DDHD1: variants seen among roughly 807,000 people sequenced by gnomAD.
DDHD1 encodes the protein phospholipase DDHD1.
A neutral mutation model predicts 96.4 loss-of-function variants in DDHD1; 49 were observed. The ratio of observed to expected loss-of-function variants is 0.51; its 90% CI spans 0.40 to 0.64. DDHD1 has a LOEUF of 0.64. Ranked by LOEUF, DDHD1 falls within the 30% of genes least tolerant of loss-of-function variation. DDHD1 has a pLI of 0.00. For missense variants in DDHD1, 1,106 were observed against 1,161.2 expected (o/e 0.95, Z 0.69); for synonymous variants, 442 against 446.5 (o/e 0.99, Z 0.13).
chr14:53,130,775 C>T (rs1282638420), intron 1 of DDHD1, among the ~76,000 whole-genome samples: 1 of 152,198 alleles, frequency 6.6e-6, no homozygotes, highest in Non-Finnish European at 1.5e-5. Context: ...TCGGACTGTC[C>T]AACTTGCCCG....
At chr14:53,146,937 T>TTG (rs1454346521) in intron 1 of DDHD1, among the ~76,000 whole-genome samples, 36 of 151,278 alleles carry the variant, frequency 2.4e-4, no homozygotes, top group African/African-American at 6.5e-4. Context: ...GACAGTTTTT[T>TTG]TTTTTTTTTT....
rs140975422 is a variant in DDHD1 at position 53,046,634 on chromosome 14, T to C, written c.*134A>G. ...TTCTTTTTTTTTTAAATAAAGTGCT[T>C]TTAAATTCAAATATATGTTGCCCTA... On this transcript the variant is annotated 3_prime_UTR_variant, in exon 13 of 13. Transcript: ENST00000673822. The C allele has an allele frequency of 1.7e-3, 879 of 527,050 alleles. 10 individuals are homozygous for C. The highest frequency in any genetic ancestry group is 0.016 in the African/African-American group (819 of 50,422). The allele number at this position is 527,050 out of a possible 1,614,324, so 32.6% of individuals were successfully genotyped here. A position where few individuals can be genotyped will look rare whatever the true frequency, so the allele number is the denominator to read the frequency against.
chr14:53,093,163 A>C, intron 3 of DDHD1, 153 bp downstream of exon 3: 1 of 650,636 alleles, frequency 1.5e-6, no homozygotes, highest in Non-Finnish European at 2.3e-6. Context: ...CAACTCAATC[A>C]ACTTAATAAA....
At chr14:53,095,373 T>C (rs538204268) in intron 2 of DDHD1, among the ~76,000 whole-genome samples, 10 of 152,230 alleles carry the variant, frequency 6.6e-5, no homozygotes, top group African/African-American at 2.4e-4. Flanking sequence ...GGGCTGAAAA[T>C]AACCTCAAGC....
In DDHD1 at chr14:53,037,481, T is replaced by A. The variant is rs1187089817; in HGVS notation, c.*9287A>T. 1.3e-5 allele frequency: 2 copies of A among 152,204 alleles called. No individual in the cohort carries two copies. Among genetic ancestry groups the A allele is most frequent in the Non-Finnish European group, 2.9e-5 (2 of 68,044 alleles). The allele number at this position is 152,204 out of a possible 1,614,324, so 9.4% of individuals were successfully genotyped here. On this transcript the variant is annotated 3_prime_UTR_variant, in exon 13 of 13. Transcript: ENST00000673822. ...GATGGTATCTTATTGTGGTTTTGAT[T>A]TGCATTTCTCTGATGATTAGTGATG...
chr14:53,126,733 T>TAA (rs1889470108), intron 1 of DDHD1, among the ~76,000 whole-genome samples: 1 of 152,240 alleles, frequency 6.6e-6, no homozygotes, highest in Non-Finnish European at 1.5e-5. Flanking sequence ...TTACTTGACG[T>TAA]AGAAGTGGTC....
chr14:53,117,647 C>T (rs2139782911), intron 1 of DDHD1, among the ~76,000 whole-genome samples: 1 of 152,300 alleles, frequency 6.6e-6, no homozygotes, highest in African/African-American at 2.4e-5. Context: ...ACAAAGAGGC[C>T]AGGAAGCACA....
intron 4 of DDHD1, among the ~76,000 whole-genome samples, chr14:53,086,757 A>G (rs188760092): frequency 6.6e-6 from 1 of 152,174 alleles, no homozygotes; most frequent in African/African-American, 2.4e-5. Context: ...TGGGCAAAAT[A>G]ACCAGCTAAC....
chr14:53,144,741 G>A (rs964735322), intron 1 of DDHD1, among the ~76,000 whole-genome samples: 8 of 152,210 alleles, frequency 5.3e-5, no homozygotes, highest in African/African-American at 1.9e-4. Flanking sequence ...ACTAAAAGTT[G>A]CTATTAAGTA....
chr14:53,061,923 A>G (rs982373226), intron 7 of DDHD1, among the ~76,000 whole-genome samples: 1 of 151,634 alleles, frequency 6.6e-6, no homozygotes, highest in African/African-American at 2.4e-5. Flanking sequence ...AATCCCAGCT[A>G]CTGGGGAGAC....
intron 6 of DDHD1, among the ~76,000 whole-genome samples, chr14:53,068,531 G>A (rs929990444): frequency 1.4e-4 from 21 of 152,050 alleles, no homozygotes; most frequent in South Asian, 4.1e-4. Flanking sequence ...GATTACAGGC[G>A]TGTGCCACTA....
intron 1 of DDHD1, among the ~76,000 whole-genome samples, chr14:53,147,548 G>A (rs1891082707): frequency 6.6e-6 from 1 of 152,172 alleles, no homozygotes. Context: ...CCATGGTCAG[G>A]TGCCAAGTCC....
At chr14:53,114,056 A>G (rs1888347472) in intron 1 of DDHD1, among the ~76,000 whole-genome samples, 1 of 152,122 alleles carries the variant, frequency 6.6e-6, no homozygotes, top group South Asian at 2.1e-4. Context: ...CACCATTACC[A>G]AGGCTTTAGT....
chr14:53,147,874 AC>A (rs1891104177), intron 1 of DDHD1, among the ~76,000 whole-genome samples: 1 of 152,050 alleles, frequency 6.6e-6, no homozygotes, highest in Non-Finnish European at 1.5e-5. Flanking sequence ...AGTGCCTTCT[AC>A]CCCCTGGGAC....
chr14:53,130,449 C>G (rs538990023), intron 1 of DDHD1, among the ~76,000 whole-genome samples: 3 of 152,154 alleles, frequency 2.0e-5, no homozygotes, highest in African/African-American at 7.2e-5. Context: ...AGAAGTCCGT[C>G]TTATTCTCAA....
At chr14:53,139,358 C>T (rs113492890) in intron 1 of DDHD1, among the ~76,000 whole-genome samples, 2,934 of 152,186 alleles carry the variant, frequency 0.019, 103 homozygotes, top group African/African-American at 0.068. Context: ...CATGAAGAAC[C>T]TTCTTGAGAT....
chr14:53,128,708 A>C (rs1889643057), intron 1 of DDHD1, among the ~76,000 whole-genome samples: 1 of 152,210 alleles, frequency 6.6e-6, no homozygotes, highest in Non-Finnish European at 1.5e-5. Flanking sequence ...CTGATACAAA[A>C]GTCTATCACT....
chr14:53,108,769 C>T (rs1236765089), intron 1 of DDHD1, among the ~76,000 whole-genome samples: 3 of 152,086 alleles, frequency 2.0e-5, no homozygotes, highest in Non-Finnish European at 2.9e-5. Flanking sequence ...GCACTTCTTC[C>T]TTTTTCACTT....
At chr14:53,137,192 C>T (rs182200661) in intron 1 of DDHD1, among the ~76,000 whole-genome samples, 1 of 152,238 alleles carries the variant, frequency 6.6e-6, no homozygotes. Context: ...AAGAAAAGAT[C>T]AGTGAAATTC....
Sources: allele counts gnomAD v4.1 joint callset (sites outside exome capture counted in the v4.1 genomes callset), GRCh38; gene constraint gnomAD v4.1.1; transcripts MANE v1.5; gene names NCBI Gene and HGNC (gene_info 2026-07-23, HGNC 2026-07-21).